The following ZC3H3 variants were observed in gnomAD, a reference collection of about 807,000 sequenced individuals.
ZC3H3 encodes zinc finger CCCH-type containing 3, also known as zinc finger CCCH domain-containing protein 3.
ZC3H3 carries 36 observed loss-of-function variants against 77.3 expected under a neutral mutation model. The observed-to-expected ratio is 0.47, with a 90% CI of 0.36 to 0.61. The LOEUF is 0.61. ZC3H3 is among the 20% of genes least tolerant of loss of function. ZC3H3 has a pLI of 0.00. For synonymous variants in ZC3H3, 626 were observed against 555.2 expected (o/e 1.13, Z -1.79); for missense variants, 1,331 against 1,312.2 (o/e 1.01, Z -0.22).
chr8:143,531,466 G>C (rs1465642585), intron 3 of ZC3H3, among the ~76,000 whole-genome samples: 1 of 152,268 alleles, frequency 6.6e-6, no homozygotes, highest in East Asian at 1.9e-4. Context: ...GCACCGAAGA[G>C]TCAGGCTGAA....
rs762115610 is a variant in ZC3H3 at position 143,536,336 on chromosome 8, G to A, written c.1482C>T (p.Pro494=). ...GKSSPVLKKT[P]NKGLVQVTTH... ...TGGTGACCTGTACCAGGCCCTTGTT[G>A]GGGGTCTTCTTCAGGACAGGGCTGC... Residue 494 remains proline (P), a synonymous_variant, in exon 3 of 12, where the codon CCC becomes CCT. Transcript: ENST00000262577. 19 of 1,610,650 alleles carry A rather than the reference G, an allele frequency of 1.2e-5. No homozygotes were observed. Among genetic ancestry groups the A allele is most frequent in the Non-Finnish European group, 1.4e-5 (17 of 1,179,008 alleles).
At chr8:143,502,202 T>C (rs406966) in intron 4 of ZC3H3, among the ~76,000 whole-genome samples, 4,254 of 152,344 alleles carry the variant, frequency 0.028, 179 homozygotes, top group African/African-American at 0.096. Context: ...AGTCAGCGTC[T>C]GATGCTGAAG....
At chr8:143,522,850 G>A (rs1336027959) in intron 3 of ZC3H3, among the ~76,000 whole-genome samples, 1 of 152,172 alleles carries the variant, frequency 6.6e-6, no homozygotes, top group Non-Finnish European at 1.5e-5. Context: ...ACTTGAGCCT[G>A]GGAGGCAGAG....
chr8:143,522,705 G>A (rs1320374485), intron 3 of ZC3H3, among the ~76,000 whole-genome samples: 2 of 152,178 alleles, frequency 1.3e-5, no homozygotes, highest in Non-Finnish European at 2.9e-5. Context: ...GATCGCCTGA[G>A]CCCAGGAATC....
intron 4 of ZC3H3, among the ~76,000 whole-genome samples, chr8:143,483,062 A>G (rs1820949674): frequency 1.3e-5 from 2 of 152,204 alleles, no homozygotes; most frequent in Admixed American, 1.3e-4. Flanking sequence ...ACAACCGGAG[A>G]AGCATTTTCA....
Position 143,460,066 on chromosome 8 carries a change from T to C in ZC3H3, c.2307+5651A>G, listed in dbSNP as rs1366657032. 5.3e-4 allele frequency among the ~76,000 whole-genome samples: 80 copies of C among 151,994 alleles called. No individual in the cohort carries two copies. Among genetic ancestry groups the C allele is most frequent in the African/African-American group, 1.7e-3 (71 of 41,362 alleles). The stretch of plus-strand genomic sequence containing the variant: ...GTTTGAGACCAGCCTGGCCCCATGG[T>C]GTGACCCTGTCTCTACTAAAAACAC... On this transcript the variant is annotated intron_variant, in intron 9 of 11. Transcript: ENST00000262577. This position sits in a 1 kb window ranked among gnomAD's most constrained non-coding sequence, Gnocchi z 4.0.
chr8:143,526,433 C>T (rs1822414672), intron 3 of ZC3H3, among the ~76,000 whole-genome samples: 1 of 152,240 alleles, frequency 6.6e-6, no homozygotes, highest in East Asian at 1.9e-4. Flanking sequence ...GAGCAGGAGA[C>T]CCCTCAGGGA....
chr8:143,513,050 G>A (rs776408516), intron 3 of ZC3H3, among the ~76,000 whole-genome samples: 81 of 152,038 alleles, frequency 5.3e-4, no homozygotes, highest in Middle Eastern at 3.4e-3. Flanking sequence ...GTGCCCAGGC[G>A]CTGTGGGGAA....
At chr8:143,529,300 G>A (rs1434779619) in intron 3 of ZC3H3, among the ~76,000 whole-genome samples, 1 of 152,234 alleles carries the variant, frequency 6.6e-6, no homozygotes, top group Non-Finnish European at 1.5e-5. Flanking sequence ...TCCCAAGCTG[G>A]TGCCTGCTCA....
chr8:143,468,698 C>T, intron 5 of ZC3H3, 39 bp from the exon 6 acceptor site: 1 of 1,534,916 alleles, frequency 6.5e-7, no homozygotes, highest in Non-Finnish European at 8.8e-7. Flanking sequence ...CAGGCCACAG[C>T]CTGGCCCGCA....
intron 4 of ZC3H3, among the ~76,000 whole-genome samples, chr8:143,502,985 C>G (rs958205285): frequency 6.6e-6 from 1 of 152,212 alleles, no homozygotes; most frequent in African/African-American, 2.4e-5. Context: ...GGCAGCAGTA[C>G]AGTAAGCTCC....
chr8:143,474,358 C>A (rs569383777), intron 5 of ZC3H3, among the ~76,000 whole-genome samples: 1 of 152,238 alleles, frequency 6.6e-6, no homozygotes, highest in Non-Finnish European at 1.5e-5. Flanking sequence ...TCACCAGGAC[C>A]CCCCAGCCCC....
At position 143,475,482 on chromosome 8, in the gene ZC3H3, C is replaced by A. The variant is rs1361853208; in HGVS notation, c.1819G>T (p.Val607Phe). 2.5e-6 allele frequency: 4 copies of A among 1,613,012 alleles called. No homozygotes were observed. The African/African-American group carries it at 4.0e-5, about 16-fold the overall frequency. Residue 607 changes from valine (V) to phenylalanine (F), a missense_variant, in exon 5 of 12, where the codon GTC becomes TTC. This residue lies in a region of ZC3H3 where 978 missense variants were observed against 915.5 expected (regional missense o/e 1.07). Transcript: ENST00000262577. ...TTGTTGGCAGATACTTTGTAGAGGACCCCTCCGATGCAGCGGTAGCCTTTG... is the reference window on the plus strand; with the variant it reads ...TTGTTGGCAGATACTTTGTAGAGGAACCCTCCGATGCAGCGGTAGCCTTTG... ...RSKGYRCIGG[V>F]LYKVSANKLS...
In ZC3H3 at chr8:143,440,514, C is replaced by A; in HGVS notation, c.2493-151G>T. On this transcript the variant is annotated intron_variant, in intron 10 of 11. Coordinates refer to ENST00000262577, the MANE Select transcript of ZC3H3 (RefSeq NM_015117.3). ...GGCACAGGTCAGGCCTGGCCCTTGG[C>A]CGCAAGGACAGGCTGGGTGCAGGGA... is the stretch of plus-strand genomic sequence containing the variant. The A allele has an allele frequency of 3.6e-6, 5 of 1,387,070 alleles. No homozygotes were observed. The South Asian group carries it at 5.3e-5, about 15-fold the overall frequency. The allele number at this position is 1,387,070 out of a possible 1,614,324, so 85.9% of individuals were successfully genotyped here.
At chr8:143,495,742 G>A (rs1821328592) in intron 4 of ZC3H3, among the ~76,000 whole-genome samples, 1 of 148,454 alleles carries the variant, frequency 6.7e-6, no homozygotes, top group African/African-American at 2.5e-5. Flanking sequence ...CACCATGCCT[G>A]GCTAATTTTT....
intron 11 of ZC3H3, among the ~76,000 whole-genome samples, chr8:143,439,683 T>C (rs1819675710): frequency 6.6e-6 from 1 of 152,230 alleles, no homozygotes; most frequent in Non-Finnish European, 1.5e-5. Flanking sequence ...ACTCGCACCT[T>C]GGCTGGCCCT....
intron 3 of ZC3H3, among the ~76,000 whole-genome samples, chr8:143,522,762 A>G (rs923989350): frequency 6.6e-6 from 1 of 152,120 alleles, no homozygotes; most frequent in Non-Finnish European, 1.5e-5. Context: ...CTACAAAAAA[A>G]AGAAATACAA....
intron 4 of ZC3H3, among the ~76,000 whole-genome samples, chr8:143,496,359 G>A (rs980541367): frequency 1.3e-5 from 2 of 152,234 alleles, no homozygotes; most frequent in African/African-American, 4.8e-5. Context: ...GGGTTCTGCA[G>A]AGAAACAGCT....
intron 3 of ZC3H3, among the ~76,000 whole-genome samples, chr8:143,512,922 G>C (rs1821916835): frequency 6.6e-6 from 1 of 152,242 alleles, no homozygotes. Context: ...CCCTCCAGGA[G>C]AGCCGAGCCT....
Sources: gnomAD v4.1 joint callset for allele counts (sites outside exome capture counted in the v4.1 genomes callset) on GRCh38, gnomAD v4.1.1 for gene constraint, gnomAD v4.1.1 regional missense constraint, Gnocchi (gnomAD v3.1) non-coding constraint, MANE v1.5 for transcripts, NCBI Gene and HGNC (gene_info 2026-07-23, HGNC 2026-07-21) for gene names.